The following USP26 variants were observed in gnomAD, a reference collection of about 807,000 sequenced individuals.
USP26 encodes ubiquitin specific peptidase 26.
For synonymous variants in USP26, 236 were observed against 240.6 expected, an observed-to-expected ratio of 0.98 and a Z score of 0.18; for missense variants, 649 against 642.3, an observed-to-expected ratio of 1.01 and a Z score of -0.11.
chrX:133,068,229 C>G (rs1234009728), intron 5 of USP26, among the ~76,000 whole-genome samples: 1 of 111,187 alleles, frequency 9.0e-6, no homozygotes, highest in East Asian at 2.8e-4. Flanking sequence ...AAGAAGAGAA[C>G]AATAGACACC....
In USP26 at chrX:133,026,599, A is replaced by G. The variant is rs754349187; in HGVS notation, c.1622T>C (p.Ile541Thr). Residue 541 changes from isoleucine to threonine, a missense_variant, in exon 6 of 6, where the codon ATT becomes ACT. Physicochemically the swap from Ile to Thr is moderately conservative, Grantham distance 89. Coordinates refer to ENST00000511190, the MANE Select transcript of USP26 (RefSeq NM_031907.3). The stretch of plus-strand genomic sequence containing the variant: ...AGAAGACACCTTTAAATATTTGGAA[A>G]TGATGACTTCCTGGTCATTCTTCTT... ...ALKKNDQEVI[I>T]SKYLKVSSHC... The G allele has an allele frequency of 1.7e-6, 2 of 1,208,534 alleles. No homozygotes were observed. Among genetic ancestry groups the G allele is most frequent in the Non-Finnish European group, 2.2e-6 (2 of 894,134 alleles).
chrX:133,048,135 A>G (rs1337300924), intron 5 of USP26, among the ~76,000 whole-genome samples: 2 of 111,414 alleles, frequency 1.8e-5, no homozygotes, highest in Non-Finnish European at 3.8e-5. Flanking sequence ...CCCTTCCTAA[A>G]ATGCTATCAG....
intron 5 of USP26, among the ~76,000 whole-genome samples, chrX:133,070,686 C>T (rs1430865439): frequency 9.0e-6 from 1 of 111,618 alleles, no homozygotes; most frequent in Non-Finnish European, 1.9e-5. Context: ...ATATTAAAAC[C>T]AGCTAATTTT....
At chrX:133,085,478 A>G (rs1383218120) in intron 4 of USP26, among the ~76,000 whole-genome samples, 2 of 111,670 alleles carry the variant, frequency 1.8e-5, no homozygotes, top group Non-Finnish European at 3.8e-5. Flanking sequence ...CAGTCCTACA[A>G]CTGGTCTGCA....
intron 5 of USP26, among the ~76,000 whole-genome samples, chrX:133,033,586 T>C (rs1226942749): frequency 8.9e-6 from 1 of 112,672 alleles, no homozygotes. Context: ...AATTTAAATA[T>C]GAATTCATTA....
At chrX:133,083,478 G>C (rs189152448) in intron 5 of USP26, among the ~76,000 whole-genome samples, 1 of 111,155 alleles carries the variant, frequency 9.0e-6, no homozygotes, top group Non-Finnish European at 1.9e-5. Flanking sequence ...GTTGGGTTGT[G>C]GGTTTCCTGA....
chrX:133,061,855 G>T (rs2067495152), intron 5 of USP26, among the ~76,000 whole-genome samples: 1 of 111,665 alleles, frequency 9.0e-6, no homozygotes. Context: ...AAAAAACCGG[G>T]CGACTGTTAG....
At chrX:133,040,054 C>T (rs1203012680) in intron 5 of USP26, among the ~76,000 whole-genome samples, 1 of 111,223 alleles carries the variant, frequency 9.0e-6, no homozygotes, top group Admixed American at 9.6e-5. Context: ...GTAAATATTC[C>T]TCCACCTCTT....
chrX:133,096,724 G>C (rs2067632123), intron 1 of USP26, among the ~76,000 whole-genome samples: 1 of 110,806 alleles, frequency 9.0e-6, no homozygotes, highest in Non-Finnish European at 1.9e-5. Flanking sequence ...GTGAATCTCT[G>C]TCTCTACTAA....
intron 5 of USP26, among the ~76,000 whole-genome samples, chrX:133,056,393 T>C (rs985781969): frequency 3.6e-5 from 4 of 111,075 alleles, no homozygotes; most frequent in African/African-American, 1.3e-4. Flanking sequence ...TTCCCCACCG[T>C]CAGTCCTTTG....
chrX:133,025,134 G>T lies in USP26; in HGVS notation c.*345C>A, dbSNP rs2067340026. 4.5e-6 allele frequency: 1 copy of T among 221,140 alleles called. No individual in the cohort carries two copies. The highest frequency in any genetic ancestry group is 8.2e-6 in the Non-Finnish European group (1 of 122,650). The allele number at this position is 221,140 out of a possible 1,213,427, so 18.2% of individuals were successfully genotyped here. ...CTTTTCAGGAGGCTGAGAGAGAATC[G>T]CTTGATGCCAGGAGTTTGAGGCTGC... On this transcript the variant is annotated 3_prime_UTR_variant, in exon 6 of 6. Transcript: ENST00000511190.
At chrX:133,062,593 C>T (rs1165990848) in intron 5 of USP26, among the ~76,000 whole-genome samples, 1 of 111,625 alleles carries the variant, frequency 9.0e-6, no homozygotes, top group Non-Finnish European at 1.9e-5. Context: ...ATTCTGTAGC[C>T]CCCGCTGGTA....
At chrX:133,029,568 C>G (rs755583924) in intron 5 of USP26, among the ~76,000 whole-genome samples, 31 of 111,801 alleles carry the variant, frequency 2.8e-4, no homozygotes, top group Middle Eastern at 4.2e-3. Flanking sequence ...ACTATAGATG[C>G]TAAGTAAGGA....
intron 5 of USP26, among the ~76,000 whole-genome samples, chrX:133,034,472 A>C (rs1313603431): frequency 1.8e-5 from 2 of 111,853 alleles, no homozygotes; most frequent in Admixed American, 1.9e-4. Flanking sequence ...CAATCTATCA[A>C]ATTTTAAATG....
At chrX:133,085,247 C>A (rs1377609749) in intron 4 of USP26, among the ~76,000 whole-genome samples, 4 of 112,282 alleles carry the variant, frequency 3.6e-5, no homozygotes, top group Admixed American at 9.4e-5. Context: ...TTGCGTCATT[C>A]TTATGCTTTT....
rs182763687 is a variant in USP26, at chrX:133,040,311, T to C, written c.-76-12015A>G. ...TCATTAGTCTTTATATTTTGGTGTGTTTTTGCAGTGGCTGGTACCGGTTTT... is the reference window on the plus strand; with the variant it reads ...TCATTAGTCTTTATATTTTGGTGTGCTTTTGCAGTGGCTGGTACCGGTTTT... On this transcript the variant is annotated intron_variant, in intron 5 of 5. Transcript: ENST00000511190. Among the ~76,000 whole-genome samples, 154 of 111,971 alleles carry C rather than the reference T, an allele frequency of 1.4e-3. 1 individual carries two copies. Among genetic ancestry groups the C allele is most frequent in the African/African-American group, 4.5e-3 (138 of 30,821 alleles).
rs2067606926 is a variant in USP26, at chrX:133,091,380, C to T, written c.-329G>A. On this transcript the variant is annotated 5_prime_UTR_variant, in exon 2 of 6. Coordinates refer to ENST00000511190, the MANE Select transcript of USP26 (RefSeq NM_031907.3). ...GAAACAAAGGCACCTGAGCAGCACT[C>T]CGCACTCCTTAACTCTTGAAGTTTT... 1 of 111,737 alleles carries T rather than the reference C, an allele frequency of 8.9e-6. No homozygotes were observed. Among genetic ancestry groups the T allele is most frequent in the African/African-American group, 3.3e-5 (1 of 30,757 alleles). 9.2% of individuals were successfully genotyped at this position (111,737 alleles called of 1,213,427 possible).
chrX:133,028,335 C>G (rs1191234629), intron 5 of USP26, 39 bp from the exon 6 acceptor site: 1 of 849,990 alleles, frequency 1.2e-6, no homozygotes, highest in African/African-American at 2.0e-5. Context: ...CATTAGTTCT[C>G]TACACAGAAT....
chrX:133,038,509 C>T (rs1197846133), intron 5 of USP26, among the ~76,000 whole-genome samples: 4 of 111,540 alleles, frequency 3.6e-5, no homozygotes, highest in Non-Finnish European at 5.7e-5. Context: ...ATCCCAGGGA[C>T]GAAGCCGGCT....
Sources: gnomAD v4.1 joint callset for allele counts (sites outside exome capture counted in the v4.1 genomes callset) on GRCh38, gnomAD v4.1.1 for gene constraint, MANE v1.5 for transcripts, NCBI Gene and HGNC (gene_info 2026-07-23, HGNC 2026-07-21) for gene names.